RPA1: variants seen among roughly 807,000 people sequenced by gnomAD.
RPA1 encodes the protein replication protein A 70 kDa DNA-binding subunit.
In RPA1, 49 loss-of-function variants were observed where a neutral mutation model predicts 83.0. The ratio of observed to expected loss-of-function variants is 0.59; its 90% CI spans 0.47 to 0.75. The LOEUF is 0.75. Ranked by LOEUF, RPA1 falls within the 30% of genes least tolerant of loss-of-function variation. The probability of loss-of-function intolerance (pLI) is 0.00; values close to 1 mark genes in which losing one functional copy is unlikely to be tolerated. For missense variants in RPA1, 693 were observed against 776.1 expected, an observed-to-expected ratio of 0.89 and a Z score of 1.27; for synonymous variants, 279 against 281.8, an observed-to-expected ratio of 0.99 and a Z score of 0.10.
intron 8 of RPA1, among the ~76,000 whole-genome samples, chr17:1,878,466 A>C (rs749518548): frequency 9.9e-5 from 15 of 152,204 alleles, no homozygotes; most frequent in Non-Finnish European, 1.5e-4. Flanking sequence ...TCCACTTGTA[A>C]ATTTTGGCTG....
intron 5 of RPA1, among the ~76,000 whole-genome samples, chr17:1,857,144 C>G (rs1328864419): frequency 6.6e-6 from 1 of 151,928 alleles, no homozygotes; most frequent in Non-Finnish European, 1.5e-5. Context: ...GTTATATTCT[C>G]ATTCATATTC....
intron 4 of RPA1, among the ~76,000 whole-genome samples, chr17:1,850,970 T>G (rs1912473905): frequency 6.6e-6 from 1 of 152,196 alleles, no homozygotes; most frequent in African/African-American, 2.4e-5. Flanking sequence ...TGGAAAACTT[T>G]AAACATCTAC....
At chr17:1,848,393 C>T (rs1912346317) in intron 4 of RPA1, among the ~76,000 whole-genome samples, 1 of 151,978 alleles carries the variant, frequency 6.6e-6, no homozygotes, top group Non-Finnish European at 1.5e-5. Context: ...AGGCAGATCA[C>T]CTGAGGTCAG....
chr17:1,853,815 T>C (rs760087700), intron 5 of RPA1, among the ~76,000 whole-genome samples: 3 of 152,248 alleles, frequency 2.0e-5, no homozygotes, highest in Admixed American at 1.3e-4. Flanking sequence ...CTAAGACTTA[T>C]GTACACTTTT....
At chr17:1,877,135 G>T (rs887495962) in intron 7 of RPA1, 77 bp from the exon 8 acceptor site, 3 of 1,347,054 alleles carry the variant, frequency 2.2e-6, no homozygotes, top group Admixed American at 1.8e-5. Flanking sequence ...GACGAGAAAG[G>T]CTGTAGGAAG....
At chr17:1,853,058 G>C (rs754402348) in intron 4 of RPA1, 43 bp from the exon 5 acceptor site, 1 of 1,497,232 alleles carries the variant, frequency 6.7e-7, no homozygotes, top group Non-Finnish European at 9.3e-7. Flanking sequence ...CATTTGAACA[G>C]AATTTGTTTT....
rs1912561641 is a variant in RPA1 at position 1,853,153 on chromosome 17, G to A, written c.325G>A (p.Gly109Arg). 7 of 1,614,040 alleles carry A rather than the reference G, an allele frequency of 4.3e-6. No homozygotes were observed. Among genetic ancestry groups the A allele is most frequent in the Non-Finnish European group, 5.9e-6 (7 of 1,180,034 alleles). The change falls in exon 5 of 17, where the codon GGA (glycine) becomes AGA (arginine). Residue 109 changes from glycine (G) to arginine (R), a missense_variant. Coordinates refer to ENST00000254719, the MANE Select transcript of RPA1 (RefSeq NM_002945.5). Reference sequence around the variant, plus strand: ...AGTTTTGAAGTCAGCTGAAGCAGTTGGAGTGAAGATTGGCAATCCAGTGCC... The same window carrying A: ...AGTTTTGAAGTCAGCTGAAGCAGTTAGAGTGAAGATTGGCAATCCAGTGCC... ...LEVLKSAEAVGVKIGNPVPYN... is the reference protein window; with the variant it reads ...LEVLKSAEAVRVKIGNPVPYN...
intron 5 of RPA1, among the ~76,000 whole-genome samples, chr17:1,868,673 A>C (rs1052716317): frequency 3.9e-5 from 6 of 152,180 alleles, no homozygotes; most frequent in Admixed American, 1.3e-4. Flanking sequence ...TGGGAGACTG[A>C]GGTTGCAGTG....
In RPA1 at chr17:1,896,632, C is replaced by T. The variant is rs372058477; in HGVS notation, c.1747-439C>T. On this transcript the variant is annotated intron_variant, in intron 16 of 16. Transcript: ENST00000254719. ...CCCCAGAGCTGAGACAGGACAGACT[C>T]GGTCCTCTCCCTCTGCTGCAGGTGC... 2.3e-3 allele frequency among the ~76,000 whole-genome samples: 348 copies of T among 152,262 alleles called. 3 individuals carry two copies. The highest frequency in any genetic ancestry group is 8.0e-3 in the African/African-American group (331 of 41,536).
chr17:1,891,925 G>T lies in RPA1; in HGVS notation c.1644G>T (p.Gly548=). The change falls in exon 15 of 17, where the codon GGG becomes GGT. Residue 548 remains glycine, a synonymous_variant. Coordinates refer to ENST00000254719, the MANE Select transcript of RPA1 (RefSeq NM_002945.5). ...AILGQNAAYL[G]ELKDKNEQAF... ...TTGGACAAAATGCTGCTTATCTTGG[G>T]GAATTAAAAGACAAGGTCAGCCACA... 2 of 1,602,358 alleles carry T rather than the reference G, an allele frequency of 1.2e-6. No individual in the cohort carries two copies. Among genetic ancestry groups the T allele is most frequent in the African/African-American group, 2.7e-5 (2 of 74,798 alleles).
In RPA1 at chr17:1,884,063, C is replaced by A; in HGVS notation, c.1374+119C>A. On this transcript the variant is annotated intron_variant, in intron 13 of 16. Transcript: ENST00000254719. The surrounding 1 kb of genome is among the most constrained non-coding windows in gnomAD (Gnocchi z 4.1). Reference sequence around the variant, plus strand: ...CGTAATTCTTACCCGGGGCTGTGACCTGAGCGTGGCATGGGGGTTGAGAAT... The same window carrying A: ...CGTAATTCTTACCCGGGGCTGTGACATGAGCGTGGCATGGGGGTTGAGAAT... 1 of 1,364,094 alleles carries A rather than the reference C, an allele frequency of 7.3e-7. No homozygotes were observed. The allele number at this position is 1,364,094 out of a possible 1,614,324, so 84.5% of individuals were successfully genotyped here.
At chr17:1,886,105 G>A (rs1434621751) in intron 13 of RPA1, among the ~76,000 whole-genome samples, 2 of 151,504 alleles carry the variant, frequency 1.3e-5, no homozygotes, top group East Asian at 1.9e-4. Context: ...GTGTGAACAG[G>A]TGCATTGTCA....
chr17:1,894,585 T>C (rs1914326183), intron 15 of RPA1, among the ~76,000 whole-genome samples: 1 of 152,220 alleles, frequency 6.6e-6, no homozygotes, highest in Non-Finnish European at 1.5e-5. Context: ...GTTAGGTACA[T>C]TCACATTACT....
At chr17:1,835,298 G>T (rs944819619) in intron 1 of RPA1, among the ~76,000 whole-genome samples, 7 of 151,996 alleles carry the variant, frequency 4.6e-5, no homozygotes, top group African/African-American at 1.7e-4. Flanking sequence ...ACAGGTGCAT[G>T]CCACCATGCC....
At chr17:1,874,587 C>T (rs1330862005) in intron 6 of RPA1, among the ~76,000 whole-genome samples, 1 of 152,128 alleles carries the variant, frequency 6.6e-6, no homozygotes, top group Admixed American at 6.5e-5. Flanking sequence ...GAGAAGCTAC[C>T]CAGCATGAAA....
intron 15 of RPA1, among the ~76,000 whole-genome samples, chr17:1,894,659 C>T (rs966866982): frequency 1.3e-5 from 2 of 152,132 alleles, no homozygotes; most frequent in Admixed American, 6.5e-5. Flanking sequence ...TAGAGACAGA[C>T]GACAGCCTTG....
rs1215179319 is a variant in RPA1, at chr17:1,883,892, A to G, written c.1322A>G (p.Asn441Ser). 6.2e-7 allele frequency: 1 copy of G among 1,614,162 alleles called. No homozygotes were observed. Residue 441 changes from asparagine (N) to serine (S), a missense_variant, in exon 13 of 17, where the codon AAC (asparagine) becomes AGC (serine). Coordinates refer to ENST00000254719, the MANE Select transcript of RPA1 (RefSeq NM_002945.5). ...GGCGGAGTCGGAGGGAGTAACACCA[A>G]CTGGAAAACCTTGTATGAGGTCAAA... ...KSGGVGGSNT[N>S]WKTLYEVKSE... is the part of the protein sequence containing the mutation.
At position 1,883,959 on chromosome 17, in the gene RPA1, T is replaced by A; in HGVS notation, c.1374+15T>A. On this transcript the variant is annotated intron_variant, in intron 13 of 16. Coordinates refer to ENST00000254719, the MANE Select transcript of RPA1 (RefSeq NM_002945.5). The stretch of plus-strand genomic sequence containing the variant: ...AAGGCGACAAGGTACCCAGCATTCC[T>A]AACCACCTTCACAAAGGGCTGTAAA... The A allele has an allele frequency of 6.2e-7, 1 of 1,613,356 alleles. No individual in the cohort carries two copies.
chr17:1,890,636 C>G (rs561445593), intron 14 of RPA1, among the ~76,000 whole-genome samples: 1 of 152,246 alleles, frequency 6.6e-6, no homozygotes, highest in East Asian at 1.9e-4. Flanking sequence ...GCATTCCAGC[C>G]TGGGTGACAG....
Sources: gnomAD v4.1 joint callset for allele counts (sites outside exome capture counted in the v4.1 genomes callset) on GRCh38, gnomAD v4.1.1 for gene constraint, Gnocchi (gnomAD v3.1) non-coding constraint, MANE v1.5 for transcripts, NCBI Gene and HGNC (gene_info 2026-07-23, HGNC 2026-07-21) for gene names.